Variants in SVEP1 observed in about 807,000 individuals in gnomAD.
The protein encoded by SVEP1 is sushi, von Willebrand factor type A, EGF and pentraxin domain containing 1.
A neutral mutation model predicts 367.3 loss-of-function variants in SVEP1; 164 were observed. The observed-to-expected ratio is 0.45, with a 90% CI of 0.39 to 0.51. The LOEUF is 0.51. SVEP1 is among the 20% of genes least tolerant of loss of function. SVEP1 has a pLI of 0.00. For synonymous variants in SVEP1, 1,666 were observed against 1,611.6 expected (o/e 1.03, Z -0.81); for missense variants, 4,117 against 4,425.3 (o/e 0.93, Z 1.98).
rs1829275956 is a variant in SVEP1, at chr9:110,486,298, A to C, written c.1931-2605T>G. Among the ~76,000 whole-genome samples, 2 of 152,234 alleles carry C rather than the reference A, an allele frequency of 1.3e-5. 1 individual carries two copies. The highest frequency in any genetic ancestry group is 4.1e-4 in the South Asian group (2 of 4,836). On this transcript the variant is annotated intron_variant, in intron 9 of 47. Transcript: ENST00000374469. ...GATTTTATTCAGACATTTTAAAGTT[A>C]AATCACAGGTGCAAGAGGGCAGTAA...
At chr9:110,453,458 A>G (rs571502250) in intron 22 of SVEP1, among the ~76,000 whole-genome samples, 12 of 152,320 alleles carry the variant, frequency 7.9e-5, no homozygotes, top group Non-Finnish European at 1.5e-4. Context: ...ACTTAGAGAA[A>G]TCTCCAAACT....
chr9:110,538,080 C>T (rs1394236774), intron 3 of SVEP1, among the ~76,000 whole-genome samples: 1 of 151,926 alleles, frequency 6.6e-6, no homozygotes, highest in Non-Finnish European at 1.5e-5. Context: ...TTCTAAGGAA[C>T]ACAACACACT....
At chr9:110,474,483 C>T (rs1274095139) in intron 14 of SVEP1, among the ~76,000 whole-genome samples, 1 of 152,144 alleles carries the variant, frequency 6.6e-6, no homozygotes, top group Non-Finnish European at 1.5e-5. Flanking sequence ...CACAGGATCA[C>T]ATGTGCCACC....
At position 110,430,083 on chromosome 9, in the gene SVEP1, G is replaced by T. The variant is rs1207083286; in HGVS notation, c.5531-79C>A. On this transcript the variant is annotated intron_variant, in intron 33 of 47. Transcript: ENST00000374469. The stretch of plus-strand genomic sequence containing the variant: ...TTTGAAATTTCAAGGGGCAGCTCAA[G>T]ATCTTTTTTTGTTTGTTTGTTTTCT... 7 of 1,417,416 alleles carry T rather than the reference G, an allele frequency of 4.9e-6. No individual in the cohort carries two copies. The East Asian group carries it at 7.0e-5, about 14-fold the overall frequency. 87.8% of individuals were successfully genotyped at this position (1,417,416 alleles called of 1,614,324 possible).
chr9:110,386,282 A>T (rs1279659591), intron 42 of SVEP1, among the ~76,000 whole-genome samples: 2 of 152,250 alleles, frequency 1.3e-5, no homozygotes, highest in African/African-American at 4.8e-5. Context: ...AAGATCAGAA[A>T]ACATGAAGTT....
At chr9:110,385,594 T>C (rs1347634490) in intron 43 of SVEP1, among the ~76,000 whole-genome samples, 1 of 152,234 alleles carries the variant, frequency 6.6e-6, no homozygotes, top group Non-Finnish European at 1.5e-5. Flanking sequence ...AAAGGATAGT[T>C]TGGGGACTCT....
Position 110,432,002 on chromosome 9 carries a change from T to C in SVEP1, c.5266A>G (p.Ser1756Gly), listed in dbSNP as rs767455777. Residue 1756 changes from serine to glycine, a missense_variant, in exon 32 of 48, where the codon AGT becomes GGT. Physicochemically the swap from Ser to Gly is moderately conservative, Grantham distance 56. Transcript: ENST00000374469. ...ACGTTCAGGCAAGAAGCATGCTCAC[T>C]ACAATCTGATCCAACTGCACACTCA... is the stretch of plus-strand genomic sequence containing the variant. ...VDECAVGSDC[S>G]EHASCLNVDG... 1.2e-6 allele frequency: 2 copies of C among 1,612,926 alleles called. No individual in the cohort carries two copies. The highest frequency in any genetic ancestry group is 3.3e-5 in the Admixed American group (2 of 59,828).
chr9:110,531,575 A>G (rs1830018174), intron 3 of SVEP1, among the ~76,000 whole-genome samples: 1 of 152,140 alleles, frequency 6.6e-6, no homozygotes, highest in African/African-American at 2.4e-5. Context: ...CATGATTGTA[A>G]GTTTCCTGAG....
chr9:110,499,497 T>A (rs562511480), intron 6 of SVEP1, among the ~76,000 whole-genome samples: 39 of 152,250 alleles, frequency 2.6e-4, no homozygotes, highest in Non-Finnish European at 5.0e-4. Flanking sequence ...ACACTGATTT[T>A]GACTTTTATC....
At chr9:110,372,880 G>GGAGACTAAAATAGAGAACCATTTTA (rs1827299144) in intron 46 of SVEP1, among the ~76,000 whole-genome samples, 2 of 152,154 alleles carry the variant, frequency 1.3e-5, no homozygotes, top group Non-Finnish European at 1.5e-5. Flanking sequence ...GGGTGGATGT[G>GGAGACTAAAATAGAGAACCATTTTA]GAGACTAAAA....
chr9:110,475,938 A>G (rs1051555735), intron 14 of SVEP1: 1 of 327,634 alleles, frequency 3.1e-6, no homozygotes, highest in Non-Finnish European at 5.5e-6. Context: ...TCAACATTTG[A>G]ATTTTACCAG....
At chr9:110,388,462 G>T (rs971139356) in intron 41 of SVEP1, among the ~76,000 whole-genome samples, 3 of 151,988 alleles carry the variant, frequency 2.0e-5, no homozygotes, top group Admixed American at 6.6e-5. Context: ...AAGCATTTAT[G>T]GCCTATCACA....
chr9:110,513,056 T>C lies in SVEP1; in HGVS notation c.1173A>G (p.Gln391=), dbSNP rs771069781. The change falls in exon 5 of 48, where the codon CAA becomes CAG. Residue 391 remains glutamine (Q), a synonymous_variant. Transcript: ENST00000374469. ...CATTGAAGTGGTTGTTGCAAGTGTT[T>C]TGGATAAAGTAACCATTTTCGGGAG... The part of the protein sequence containing the change: ...LKPPENGYFI[Q]NTCNNHFNAA... The C allele has an allele frequency of 1.9e-6, 3 of 1,614,024 alleles. No individual in the cohort carries two copies. The highest frequency in any genetic ancestry group is 1.7e-6 in the Non-Finnish European group (2 of 1,179,872).
chr9:110,531,882 C>G (rs1311565315), intron 3 of SVEP1, among the ~76,000 whole-genome samples: 1 of 152,120 alleles, frequency 6.6e-6, no homozygotes, highest in Non-Finnish European at 1.5e-5. Context: ...AATTTGGAAA[C>G]AATCTTAGTA....
chr9:110,482,464 A>G lies in SVEP1; in HGVS notation c.2067T>C (p.His689=). The change falls in exon 11 of 48, where the codon CAT becomes CAC. Residue 689 remains histidine, a synonymous_variant. Coordinates refer to ENST00000374469, the MANE Select transcript of SVEP1 (RefSeq NM_153366.4). The part of the protein sequence containing the change: ...SGAELVITRS[H]TQGDLFPQGE... ...CTTGAGGGAAAAGGTCTCCTTGTGTATGACTTCTGGTAATGACCAATTCAG... is the reference window on the plus strand; with the variant it reads ...CTTGAGGGAAAAGGTCTCCTTGTGTGTGACTTCTGGTAATGACCAATTCAG... 3 of 1,583,746 alleles carry G rather than the reference A, an allele frequency of 1.9e-6. No homozygotes were observed. The highest frequency in any genetic ancestry group is 1.3e-5 in the African/African-American group (1 of 74,764).
At chr9:110,389,964 C>A (rs1827603068) in intron 40 of SVEP1, among the ~76,000 whole-genome samples, 1 of 148,074 alleles carries the variant, frequency 6.8e-6, no homozygotes, top group South Asian at 2.1e-4. Context: ...CACACATACA[C>A]AATAGAGTAC....
chr9:110,557,998 T>G lies in SVEP1; in HGVS notation c.532-7894A>C, dbSNP rs556536290. Among the ~76,000 whole-genome samples the G allele has an allele frequency of 3.2e-4, 49 of 151,868 alleles. 2 individuals are homozygous for G. The South Asian group carries it at 9.6e-3, about 30-fold the overall frequency. On this transcript the variant is annotated intron_variant, in intron 1 of 47. Coordinates refer to ENST00000374469, the MANE Select transcript of SVEP1 (RefSeq NM_153366.4). The stretch of plus-strand genomic sequence containing the variant: ...GCAACTGAGAAATTGAATTAGTAAC[T>G]TTGTTTAATTTTAATTAACTTAAAT...
chr9:110,387,313 G>C lies in SVEP1; in HGVS notation c.10032C>G (p.Thr3344=). The C allele has an allele frequency of 6.2e-7, 1 of 1,604,290 alleles. No individual in the cohort carries two copies. Among genetic ancestry groups the C allele is most frequent in the Non-Finnish European group, 8.5e-7 (1 of 1,177,616 alleles). The change falls in exon 42 of 48, where the codon ACC becomes ACG. Residue 3344 remains threonine, a synonymous_variant. Transcript: ENST00000374469. The part of the protein sequence containing the change: ...PSEAHCTENG[T]WSHPVPLCKP... ...TGCAGAGAGGGACTGGGTGGCTCCAGGTTCCATTTTCTGTGCAGTGTGCCT... is the reference window on the plus strand; with the variant it reads ...TGCAGAGAGGGACTGGGTGGCTCCACGTTCCATTTTCTGTGCAGTGTGCCT...
At chr9:110,508,273 C>T (rs1363463315) in intron 5 of SVEP1, among the ~76,000 whole-genome samples, 1 of 151,332 alleles carries the variant, frequency 6.6e-6, no homozygotes, top group Non-Finnish European at 1.5e-5. Context: ...CTCTGGTTCC[C>T]ATCTTAAAGA....
Sources: allele counts gnomAD v4.1 joint callset (sites outside exome capture counted in the v4.1 genomes callset), GRCh38; gene constraint gnomAD v4.1.1; transcripts MANE v1.5; gene names NCBI Gene and HGNC (gene_info 2026-07-23, HGNC 2026-07-21).